TBX15: variants seen among roughly 807,000 people sequenced by gnomAD.
TBX15 encodes T-box transcription factor TBX15.
In TBX15, 18 loss-of-function variants were observed where a neutral mutation model predicts 53.9. That is an observed-to-expected ratio of 0.33 (90% CI 0.23 to 0.49). The LOEUF is 0.49. TBX15 is among the 20% of genes least tolerant of loss of function. TBX15 has a pLI of 0.98. For synonymous variants in TBX15, 295 were observed against 278.0 expected (o/e 1.06, Z -0.61); for missense variants, 692 against 749.5 (o/e 0.92, Z 0.90).
chr1:118,891,122 C>A (rs1654127827), intron 7 of TBX15, among the ~76,000 whole-genome samples: 1 of 152,202 alleles, frequency 6.6e-6, no homozygotes, highest in African/African-American at 2.4e-5. Context: ...CAAACATGAA[C>A]ATTAGAGTGC....
At chr1:118,962,577 C>A (rs973769208) in intron 1 of TBX15, among the ~76,000 whole-genome samples, 4 of 152,176 alleles carry the variant, frequency 2.6e-5, no homozygotes, top group Non-Finnish European at 5.9e-5. Context: ...CACCTCACTA[C>A]CTCTAATCAA....
At chr1:118,898,644 T>A (rs1654510654) in intron 7 of TBX15, among the ~76,000 whole-genome samples, 1 of 152,102 alleles carries the variant, frequency 6.6e-6, no homozygotes, top group Non-Finnish European at 1.5e-5. Context: ...ATTTTGCTCA[T>A]CACGAAACTT....
intron 1 of TBX15, among the ~76,000 whole-genome samples, chr1:118,976,309 T>C (rs962550485): frequency 1.3e-5 from 2 of 152,300 alleles, no homozygotes; most frequent in South Asian, 2.1e-4. Flanking sequence ...CTTGTTGTTG[T>C]TGTTGTTTTA....
At chr1:118,901,365 G>A (rs1232948879) in intron 6 of TBX15, 11 of 456,454 alleles carry the variant, frequency 2.4e-5, no homozygotes, top group Non-Finnish European at 4.4e-5. Flanking sequence ...AGCCATTCAT[G>A]GGGCACAGCT....
intron 1 of TBX15, among the ~76,000 whole-genome samples, chr1:118,941,671 G>A (rs1467910194): frequency 6.6e-6 from 1 of 152,168 alleles, no homozygotes; most frequent in Non-Finnish European, 1.5e-5. Context: ...TGTACGAGGT[G>A]TTATTAGGGG....
chr1:118,887,224 G>C (rs1407972484), intron 7 of TBX15, among the ~76,000 whole-genome samples: 1 of 152,166 alleles, frequency 6.6e-6, no homozygotes, highest in Non-Finnish European at 1.5e-5. Flanking sequence ...TCCCAGCATT[G>C]TCAAGAGCTG....
intron 1 of TBX15, among the ~76,000 whole-genome samples, chr1:118,981,929 A>C (rs745395448): frequency 2.0e-5 from 3 of 152,254 alleles, no homozygotes; most frequent in Non-Finnish European, 2.9e-5. Context: ...AACTACACGG[A>C]TGAGAAAGAG....
chr1:118,948,913 T>C (rs751566522), intron 1 of TBX15, among the ~76,000 whole-genome samples: 1 of 152,232 alleles, frequency 6.6e-6, no homozygotes, highest in Non-Finnish European at 1.5e-5. Context: ...TTTCTTATCA[T>C]GCTCCTAAAC....
In TBX15 at chr1:118,884,622, A is replaced by AAAC; in HGVS notation, c.*109_*110insGTT. The AAAC allele has an allele frequency of 2.2e-6, 3 of 1,376,604 alleles. No homozygotes were observed. Among genetic ancestry groups the AAAC allele is most frequent in the Non-Finnish European group, 3.0e-6 (3 of 1,009,614 alleles). 85.3% of individuals were successfully genotyped at this position (1,376,604 alleles called of 1,614,324 possible). ...TTCGGCCAGAAAAAAAAAAAAAAAA[A>AAAC]AAACACGGTTCCTGTTTTTCAAAGA... On this transcript the variant is annotated 3_prime_UTR_variant, in exon 8 of 8. Transcript: ENST00000369429.
In TBX15 at chr1:118,884,716, G is replaced by C; in HGVS notation, c.*16C>G. 1 of 1,614,028 alleles carries C rather than the reference G, an allele frequency of 6.2e-7. No homozygotes were observed. Among genetic ancestry groups the C allele is most frequent in the Non-Finnish European group, 8.5e-7 (1 of 1,180,006 alleles). ...GGCCTTGATTGCCAAATGCTCCGTG[G>C]TGTTTGGACTGGCCTTTAAACCATG... is the stretch of plus-strand genomic sequence containing the variant. On this transcript the variant is annotated 3_prime_UTR_variant, in exon 8 of 8. Coordinates refer to ENST00000369429, the MANE Select transcript of TBX15 (RefSeq NM_001330677.2).
At chr1:118,935,572 G>A (rs911828916) in intron 1 of TBX15, among the ~76,000 whole-genome samples, 6 of 152,098 alleles carry the variant, frequency 3.9e-5, no homozygotes, top group African/African-American at 7.2e-5. Context: ...AGTAACCTGC[G>A]CTGAGCCAGT....
At chr1:118,893,369 G>GAAAC (rs1359864489) in intron 7 of TBX15, among the ~76,000 whole-genome samples, 3 of 87,872 alleles carry the variant, frequency 3.4e-5, no homozygotes, top group South Asian at 7.6e-4. Flanking sequence ...AAGAAAGAAA[G>GAAAC]AAAGAAAGAA....
chr1:118,987,467 G>A (rs568226436), intron 1 of TBX15, 124 bp downstream of exon 1: 1 of 1,226,966 alleles, frequency 8.2e-7, no homozygotes, highest in Non-Finnish European at 1.1e-6. Flanking sequence ...CGAAGAAACA[G>A]AAACCTATGT....
intron 1 of TBX15, among the ~76,000 whole-genome samples, chr1:118,974,336 T>C (rs1657349256): frequency 6.6e-6 from 1 of 152,216 alleles, no homozygotes. Context: ...TACATCTTTC[T>C]CTTTTTTGCT....
At chr1:118,898,094 A>G (rs2101496061) in intron 7 of TBX15, among the ~76,000 whole-genome samples, 1 of 152,324 alleles carries the variant, frequency 6.6e-6, no homozygotes, top group East Asian at 1.9e-4. Flanking sequence ...CTACTTTTCC[A>G]AATAATGCAG....
intron 7 of TBX15, among the ~76,000 whole-genome samples, chr1:118,893,528 AGG>A (rs1410545392): frequency 1.1e-4 from 14 of 124,326 alleles, no homozygotes; most frequent in African/African-American, 5.1e-4. Context: ...GAAAGAAAGA[AGG>A]AAAGAAAGAT....
chr1:118,931,044 G>A (rs1655764786), intron 2 of TBX15, among the ~76,000 whole-genome samples: 1 of 152,202 alleles, frequency 6.6e-6, no homozygotes, highest in African/African-American at 2.4e-5. Context: ...AACTAAAAGT[G>A]TCTATATCAA....
In TBX15 at chr1:118,927,389, A is replaced by G. The variant is rs377535820; in HGVS notation, c.420-778T>C. On this transcript the variant is annotated intron_variant, in intron 2 of 7. Transcript: ENST00000369429. The stretch of plus-strand genomic sequence containing the variant: ...AGAGCTTTTCAGTTTATTGCAAGTT[A>G]TCATAAAATATTTTCAACTGAGTTT... 3.3e-5 allele frequency among the ~76,000 whole-genome samples: 5 copies of G among 152,346 alleles called. No homozygotes were observed. The East Asian group carries it at 9.6e-4, about 29-fold the overall frequency.
intron 7 of TBX15, among the ~76,000 whole-genome samples, chr1:118,890,500 G>A (rs576916311): frequency 6.6e-6 from 1 of 152,108 alleles, no homozygotes; most frequent in Non-Finnish European, 1.5e-5. Flanking sequence ...TTACCCATGG[G>A]CCAATATGAG....
Sources: gnomAD v4.1 joint callset for allele counts (sites outside exome capture counted in the v4.1 genomes callset) on GRCh38, gnomAD v4.1.1 for gene constraint, MANE v1.5 for transcripts, NCBI Gene and HGNC (gene_info 2026-07-23, HGNC 2026-07-21) for gene names.